Variants in NRG3 observed in about 807,000 individuals in gnomAD.
NRG3 encodes pro-neuregulin-3, membrane-bound isoform.
A neutral mutation model predicts 66.9 loss-of-function variants in NRG3; 31 were observed. The observed-to-expected ratio is 0.46, with a 90% confidence interval of 0.35 to 0.63. NRG3 has a LOEUF of 0.63. NRG3 is among the 20% of genes least tolerant of loss of function. NRG3 has a pLI of 0.00. For synonymous variants in NRG3, 393 were observed against 359.4 expected (o/e 1.09, Z -1.06); for missense variants, 910 against 878.9 (o/e 1.04, Z -0.45).
intron 1 of NRG3, among the ~76,000 whole-genome samples, chr10:82,258,185 C>T (rs953885940): frequency 6.6e-6 from 1 of 152,124 alleles, no homozygotes; most frequent in Non-Finnish European, 1.5e-5. Context: ...TTATTCCAAC[C>T]TAGTTTATTG....
chr10:82,653,419 T>C (rs1396364913), intron 2 of NRG3, among the ~76,000 whole-genome samples: 1 of 152,148 alleles, frequency 6.6e-6, no homozygotes, highest in Non-Finnish European at 1.5e-5. Flanking sequence ...GTTCTGCAAA[T>C]GTGACTGAAT....
intron 2 of NRG3, among the ~76,000 whole-genome samples, chr10:82,693,370 G>T (rs2055099558): frequency 1.3e-5 from 2 of 152,052 alleles, no homozygotes; most frequent in Non-Finnish European, 2.9e-5. Context: ...AAAGAGCAAA[G>T]GAATCATTAG....
chr10:82,783,700 G>A (rs1198214888), intron 3 of NRG3, among the ~76,000 whole-genome samples: 3 of 152,200 alleles, frequency 2.0e-5, no homozygotes, highest in Non-Finnish European at 2.9e-5. Context: ...GCTCAATGAA[G>A]TAAAAGAGGA....
intron 2 of NRG3, among the ~76,000 whole-genome samples, chr10:82,413,910 A>G (rs2088319679): frequency 6.6e-6 from 1 of 152,150 alleles, no homozygotes; most frequent in Admixed American, 6.5e-5. Flanking sequence ...TTTCTTGTGG[A>G]TAAAGCTTTG....
chr10:82,856,757 A>AAAC (rs2063831284), intron 3 of NRG3, among the ~76,000 whole-genome samples: 3 of 68,322 alleles, frequency 4.4e-5, no homozygotes, highest in African/African-American at 6.0e-5. Flanking sequence ...AAAAAAAAAC[A>AAAC]AAAAAAAAAA....
At chr10:82,354,231 G>A (rs921675662) in intron 1 of NRG3, among the ~76,000 whole-genome samples, 1 of 150,970 alleles carries the variant, frequency 6.6e-6, no homozygotes. Context: ...GTATAGATGG[G>A]GGTCTCCCTA....
chr10:82,907,094 A>T (rs1191295038), intron 4 of NRG3, among the ~76,000 whole-genome samples: 1 of 152,152 alleles, frequency 6.6e-6, no homozygotes. Context: ...AATGAAGAAA[A>T]TGTTCTTTAT....
At chr10:82,452,433 C>T (rs561384818) in intron 2 of NRG3, among the ~76,000 whole-genome samples, 9 of 152,078 alleles carry the variant, frequency 5.9e-5, no homozygotes, top group East Asian at 1.9e-4. Flanking sequence ...CATTTTCTTC[C>T]GTTAAATTTA....
chr10:81,976,353 TC>T (rs1380605866), intron 1 of NRG3, among the ~76,000 whole-genome samples: 6 of 152,168 alleles, frequency 3.9e-5, no homozygotes, highest in African/African-American at 1.4e-4. Context: ...TAGGCTGGCC[TC>T]CCTCTTCCTG....
chr10:82,532,901 G>C (rs536411889), intron 2 of NRG3, among the ~76,000 whole-genome samples: 21 of 150,480 alleles, frequency 1.4e-4, no homozygotes, highest in African/African-American at 5.1e-4. Context: ...GTATGCAAGG[G>C]TTCCAATTTC....
chr10:82,961,619 G>A (rs746585075), intron 6 of NRG3, among the ~76,000 whole-genome samples: 3 of 152,214 alleles, frequency 2.0e-5, no homozygotes, highest in Admixed American at 6.5e-5. Flanking sequence ...ATTGCATGCT[G>A]GGAGAAGAAT....
chr10:82,418,418 T>C (rs2136214949), intron 2 of NRG3, among the ~76,000 whole-genome samples: 1 of 152,296 alleles, frequency 6.6e-6, no homozygotes, highest in African/African-American at 2.4e-5. Context: ...ATTAACCAGT[T>C]TATGCAAATG....
intron 1 of NRG3, among the ~76,000 whole-genome samples, chr10:81,969,867 G>A (rs981549974): frequency 5.9e-5 from 9 of 151,900 alleles, no homozygotes; most frequent in African/African-American, 1.5e-4. Flanking sequence ...TCCAATGCCC[G>A]TTTTAACTCA....
chr10:82,558,642 T>C (rs530843065), intron 2 of NRG3, among the ~76,000 whole-genome samples: 5 of 152,280 alleles, frequency 3.3e-5, no homozygotes, highest in African/African-American at 1.2e-4. Context: ...GTGCCAGAAA[T>C]AAGATGCATG....
At chr10:81,877,953 A>T (rs1244786849) in intron 1 of NRG3, 1 of 1,537,630 alleles carries the variant, frequency 6.5e-7, no homozygotes, top group Admixed American at 2.0e-5. Context: ...GATGCAGTTG[A>T]TAGAATAATG....
chr10:82,390,310 T>G (rs1481534508), intron 2 of NRG3, among the ~76,000 whole-genome samples: 3 of 151,966 alleles, frequency 2.0e-5, no homozygotes, highest in Non-Finnish European at 2.9e-5. Flanking sequence ...ATATTTTACT[T>G]GAGTTAAAGT....
At chr10:82,960,926 C>T (rs936901893) in intron 6 of NRG3, among the ~76,000 whole-genome samples, 6 of 152,116 alleles carry the variant, frequency 3.9e-5, no homozygotes, top group Non-Finnish European at 8.8e-5. Context: ...GGACTCAGAC[C>T]GCCTGCACCC....
chr10:82,151,372 T>A (rs1222753978), intron 1 of NRG3, among the ~76,000 whole-genome samples: 1 of 152,222 alleles, frequency 6.6e-6, no homozygotes. Flanking sequence ...AGATGCCTGT[T>A]TTCTAATCAT....
At chr10:82,612,089 T>A (rs1249615722) in intron 2 of NRG3, among the ~76,000 whole-genome samples, 2 of 152,210 alleles carry the variant, frequency 1.3e-5, no homozygotes, top group Non-Finnish European at 2.9e-5. Context: ...TCTGTTCATA[T>A]CCTTTGCCCA....
Sources: allele counts gnomAD v4.1 joint callset (sites outside exome capture counted in the v4.1 genomes callset), GRCh38; gene constraint gnomAD v4.1.1; transcripts MANE v1.5; gene names NCBI Gene and HGNC (gene_info 2026-07-23, HGNC 2026-07-21).